ANKRD61: variants seen among roughly 807,000 people sequenced by gnomAD.
ANKRD61 encodes ankyrin repeat domain 61, also known as ankyrin repeat domain-containing protein 61.
In ANKRD61, 7 loss-of-function variants were observed where a neutral mutation model predicts 8.4. That is an observed-to-expected ratio of 0.84 (90% CI 0.48 to 1.57). The LOEUF is 1.57. ANKRD61 is among the 40% of genes most tolerant of loss of function. The pLI is 0.00. For missense variants in ANKRD61, 516 were observed against 523.4 expected, an observed-to-expected ratio of 0.99 and a Z score of 0.14; for synonymous variants, 198 against 208.0, an observed-to-expected ratio of 0.95 and a Z score of 0.41.
rs934676976 is a variant in ANKRD61, at chr7:6,035,473, T to C, written c.344T>C (p.Leu115Ser). The change falls in exon 3 of 3, where the codon TTA becomes TCA. Residue 115 changes from leucine (L) to serine (S), a missense_variant. Coordinates refer to ENST00000409061, the MANE Select transcript of ANKRD61 (RefSeq NM_001271700.2). The surrounding 1 kb of genome is among the most constrained non-coding windows in gnomAD (Gnocchi z 5.5). Reference protein sequence around the residue: ...RDTTGLTTLNLMLLHWPVTST... With the variant: ...RDTTGLTTLNSMLLHWPVTST... ...ACGACAGGCCTCACCACACTCAACT[T>C]AATGCTACTGCACTGGCCAGTCACT... 2 of 1,550,710 alleles carry C rather than the reference T, an allele frequency of 1.3e-6. No individual in the cohort carries two copies. The highest frequency in any genetic ancestry group is 2.7e-5 in the African/African-American group (2 of 73,022).
In ANKRD61 at chr7:6,033,449, T is replaced by C. The variant is rs2128886787; in HGVS notation, c.314+513T>C. ...GCAACATCATAAATATTTTGCCAAA[T>C]TAATGCACATTCTGAGGATTAAGAG... On this transcript the variant is annotated intron_variant, in intron 2 of 2. Transcript: ENST00000409061. The surrounding 1 kb of genome is among the most constrained non-coding windows in gnomAD (Gnocchi z 4.4). Among the ~76,000 whole-genome samples, 1 of 152,312 alleles carries C rather than the reference T, an allele frequency of 6.6e-6. No individual in the cohort carries two copies. Among genetic ancestry groups the C allele is most frequent in the South Asian group, 2.1e-4 (1 of 4,822 alleles).
rs1788045170 is a variant in ANKRD61, at chr7:6,035,301, A to T, written c.315-143A>T. 1.2e-6 allele frequency: 1 copy of T among 839,126 alleles called. No individual in the cohort carries two copies. The highest frequency in any genetic ancestry group is 1.8e-6 in the Non-Finnish European group (1 of 554,732). 52.0% of individuals were successfully genotyped at this position (839,126 alleles called of 1,614,324 possible). A position where few individuals can be genotyped will look rare whatever the true frequency, so the allele number is the denominator to read the frequency against. ...CCTGGGATAGCCTGAGAAACTACCC[A>T]GCGATACAGATTTTGAAACACGTCC... is the stretch of plus-strand genomic sequence containing the variant. On this transcript the variant is annotated intron_variant, in intron 2 of 2. Coordinates refer to ENST00000409061, the MANE Select transcript of ANKRD61 (RefSeq NM_001271700.2). This position sits in a 1 kb window ranked among gnomAD's most constrained non-coding sequence, Gnocchi z 5.5.
At position 6,035,507 on chromosome 7, in the gene ANKRD61, G is replaced by A. The variant is rs538970134; in HGVS notation, c.378G>A (p.Thr126=). 41 of 1,551,068 alleles carry A rather than the reference G, an allele frequency of 2.6e-5. No homozygotes were observed. Among genetic ancestry groups the A allele is most frequent in the African/African-American group, 6.8e-5 (5 of 73,124 alleles). ...MLLHWPVTST[T]WAKPGNRTHR... is the part of the protein sequence containing the mutation. ...TGCACTGGCCAGTCACTTCCACCAC[G>A]TGGGCAAAACCAGGCAACAGAACGC... The change falls in exon 3 of 3, where the codon ACG becomes ACA. Residue 126 remains threonine, a synonymous_variant. Transcript: ENST00000409061. The surrounding 1 kb of genome is among the most constrained non-coding windows in gnomAD (Gnocchi z 5.5).
chr7:6,033,016 T>C lies in ANKRD61; in HGVS notation c.314+80T>C, dbSNP rs1404474390. The C allele has an allele frequency of 8.2e-7, 1 of 1,218,498 alleles. No homozygotes were observed. The allele number at this position is 1,218,498 out of a possible 1,614,324, so 75.5% of individuals were successfully genotyped here. A position where few individuals can be genotyped will look rare whatever the true frequency, so the allele number is the denominator to read the frequency against. ...AGGGGTCTCGCTCTGTTGCCCAGGC[T>C]GGAGTGCAATGGCACAATCTCGCCT... On this transcript the variant is annotated intron_variant, in intron 2 of 2. Transcript: ENST00000409061. This position sits in a 1 kb window ranked among gnomAD's most constrained non-coding sequence, Gnocchi z 4.4.
Position 6,036,261 on chromosome 7 carries a change from G to A in ANKRD61, c.1132G>A (p.Gly378Ser). 9 of 1,549,774 alleles carry A rather than the reference G, an allele frequency of 5.8e-6. No homozygotes were observed. The highest frequency in any genetic ancestry group is 1.4e-5 in the African/African-American group (1 of 73,020). ...ATCGCAAAAACCTTTATCCCTACAGGGTATCTGCAAAAGAAACATCAGGAA... is the reference window on the plus strand; with the variant it reads ...ATCGCAAAAACCTTTATCCCTACAGAGTATCTGCAAAAGAAACATCAGGAA... ...KQSQKPLSLQ[G>S]ICKRNIRNIY... The change falls in exon 3 of 3, where the codon GGT (glycine) becomes AGT (serine). Residue 378 changes from glycine to serine, a missense_variant. Transcript: ENST00000409061. This position sits in a 1 kb window ranked among gnomAD's most constrained non-coding sequence, Gnocchi z 4.6.
rs1028053479 is a variant in ANKRD61, at chr7:6,035,405, T to C, written c.315-39T>C. ...ACTGTCCACGTAGAGCCGTTCCCAC[T>C]GTGAATTCAGTGTAACGTGTAATCA... On this transcript the variant is annotated intron_variant, in intron 2 of 2. Coordinates refer to ENST00000409061, the MANE Select transcript of ANKRD61 (RefSeq NM_001271700.2). This position sits in a 1 kb window ranked among gnomAD's most constrained non-coding sequence, Gnocchi z 5.5. 4 of 1,520,052 alleles carry C rather than the reference T, an allele frequency of 2.6e-6. No individual in the cohort carries two copies. The African/African-American group carries it at 4.1e-5, about 16-fold the overall frequency. The allele number at this position is 1,520,052 out of a possible 1,614,324, so 94.2% of individuals were successfully genotyped here. A position where few individuals can be genotyped will look rare whatever the true frequency, so the allele number is the denominator to read the frequency against.
chr7:6,036,229 T>C lies in ANKRD61; in HGVS notation c.1100T>C (p.Ile367Thr). 6.5e-7 allele frequency: 1 copy of C among 1,550,154 alleles called. No homozygotes were observed. Among genetic ancestry groups the C allele is most frequent in the Admixed American group, 2.0e-5 (1 of 50,860 alleles). The change falls in exon 3 of 3, where the codon ATA becomes ACA. Residue 367 changes from isoleucine (I) to threonine (T), a missense_variant. Ile to Thr is a moderately conservative substitution (Grantham distance 89, BLOSUM62 -1). Coordinates refer to ENST00000409061, the MANE Select transcript of ANKRD61 (RefSeq NM_001271700.2). The surrounding 1 kb of genome is among the most constrained non-coding windows in gnomAD (Gnocchi z 4.6). ...TTCCGCCTCTTAAGGGACACCCTAATAAAGCAATCGCAAAAACCTTTATCC... is the reference window on the plus strand; with the variant it reads ...TTCCGCCTCTTAAGGGACACCCTAACAAAGCAATCGCAAAAACCTTTATCC... Reference protein sequence around the residue: ...PEFRLLRDTLIKQSQKPLSLQ... With the variant: ...PEFRLLRDTLTKQSQKPLSLQ...
chr7:6,031,754 G>T (rs1190053732), intron 1 of ANKRD61, among the ~76,000 whole-genome samples, 163 bp downstream of exon 1: 1 of 152,134 alleles, frequency 6.6e-6, no homozygotes, highest in Non-Finnish European at 1.5e-5. Flanking sequence ...AGCCTGCAAA[G>T]CCTCCCCTAC....
chr7:6,036,393 A>C lies in ANKRD61; in HGVS notation c.*7A>C. ...CTTGGCATATACCTCTTGAAATAAG[A>C]CCTCCCAGTTTCACAGCAGAGGGAC... is the stretch of plus-strand genomic sequence containing the variant. On this transcript the variant is annotated 3_prime_UTR_variant, in exon 3 of 3. Transcript: ENST00000409061. This position sits in a 1 kb window ranked among gnomAD's most constrained non-coding sequence, Gnocchi z 4.6. The C allele has an allele frequency of 1.4e-6, 2 of 1,447,376 alleles. No homozygotes were observed. Among genetic ancestry groups the C allele is most frequent in the Non-Finnish European group, 1.8e-6 (2 of 1,101,126 alleles). The allele number at this position is 1,447,376 out of a possible 1,614,324, so 89.7% of individuals were successfully genotyped here. A position where few individuals can be genotyped will look rare whatever the true frequency, so the allele number is the denominator to read the frequency against.
intron 1 of ANKRD61, among the ~76,000 whole-genome samples, chr7:6,031,946 G>A (rs768753036): frequency 6.6e-6 from 1 of 152,180 alleles, no homozygotes. Context: ...GGCTGAGGTG[G>A]GTGGATCACC....
At chr7:6,031,687 C>A in intron 1 of ANKRD61, 96 bp downstream of exon 1, 6 of 1,218,046 alleles carry the variant, frequency 4.9e-6, no homozygotes, top group Non-Finnish European at 6.9e-6. Context: ...GCTCACGGCC[C>A]TTATGAGAAT....
Position 6,032,404 on chromosome 7 carries a change from G to A in ANKRD61, c.217-435G>A, listed in dbSNP as rs950019541. ...TAATCATAGACAGAACATATGCTGC[G>A]TTATATTTGAAAACCCTGAAGATTC... On this transcript the variant is annotated intron_variant, in intron 1 of 2. Coordinates refer to ENST00000409061, the MANE Select transcript of ANKRD61 (RefSeq NM_001271700.2). The surrounding 1 kb of genome is among the most constrained non-coding windows in gnomAD (Gnocchi z 4.3). Among the ~76,000 whole-genome samples, 1 of 152,110 alleles carries A rather than the reference G, an allele frequency of 6.6e-6. No homozygotes were observed. Among genetic ancestry groups the A allele is most frequent in the Non-Finnish European group, 1.5e-5 (1 of 68,022 alleles).
At position 6,032,955 on chromosome 7, in the gene ANKRD61, A is replaced by C. The variant is rs1787960152; in HGVS notation, c.314+19A>C. 12 of 1,539,672 alleles carry C rather than the reference A, an allele frequency of 7.8e-6. No homozygotes were observed. Among genetic ancestry groups the C allele is most frequent in the Non-Finnish European group, 9.7e-6 (11 of 1,137,848 alleles). On this transcript the variant is annotated intron_variant, in intron 2 of 2. Coordinates refer to ENST00000409061, the MANE Select transcript of ANKRD61 (RefSeq NM_001271700.2). This position sits in a 1 kb window ranked among gnomAD's most constrained non-coding sequence, Gnocchi z 4.3. ...AAGTCAGGTAAGTTAACTCCACCGA[A>C]AATCATTTCTTTTTTTTTCTTTTTT...
chr7:6,032,821 T>TAAAACA lies in ANKRD61; in HGVS notation c.217-18_217-17insAAAACA. 6.5e-7 allele frequency: 1 copy of TAAAACA among 1,545,344 alleles called. No individual in the cohort carries two copies. The highest frequency in any genetic ancestry group is 8.8e-7 in the Non-Finnish European group (1 of 1,142,122). ...CTACACAGGGCCACTTGTAATGTGT[T>TAAAACA]TTGTTTTCCCTCCAAAGCCGACAGA... On this transcript the variant is annotated splice_polypyrimidine_tract_variant and intron_variant, in intron 1 of 2. Transcript: ENST00000409061. This position sits in a 1 kb window ranked among gnomAD's most constrained non-coding sequence, Gnocchi z 4.3.
In ANKRD61 at chr7:6,032,713, T is replaced by C. The variant is rs1238314951; in HGVS notation, c.217-126T>C. ...GTAGAAAGGAAACTTTCAATGCACA[T>C]ACCAGAAAAAGAGTGAGCCAATGAG... On this transcript the variant is annotated intron_variant, in intron 1 of 2. Coordinates refer to ENST00000409061, the MANE Select transcript of ANKRD61 (RefSeq NM_001271700.2). This position sits in a 1 kb window ranked among gnomAD's most constrained non-coding sequence, Gnocchi z 4.3. 1.8e-5 allele frequency: 12 copies of C among 674,076 alleles called. No homozygotes were observed. Among genetic ancestry groups the C allele is most frequent in the Middle Eastern group, 2.6e-4 (1 of 3,880 alleles). 41.8% of individuals were successfully genotyped at this position (674,076 alleles called of 1,614,324 possible).
In ANKRD61 at chr7:6,032,620, G is replaced by A. The variant is rs913558317; in HGVS notation, c.217-219G>A. 6.6e-6 allele frequency among the ~76,000 whole-genome samples: 1 copy of A among 152,142 alleles called. No homozygotes were observed. Among genetic ancestry groups the A allele is most frequent in the African/African-American group, 2.4e-5 (1 of 41,436 alleles). ...TGTTATTTCTGTTGCCTCAGTAAATGTGCATTTCTGTGAAACACAGATTTT... is the reference window on the plus strand; with the variant it reads ...TGTTATTTCTGTTGCCTCAGTAAATATGCATTTCTGTGAAACACAGATTTT... On this transcript the variant is annotated intron_variant, in intron 1 of 2. Coordinates refer to ENST00000409061, the MANE Select transcript of ANKRD61 (RefSeq NM_001271700.2). The surrounding 1 kb of genome is among the most constrained non-coding windows in gnomAD (Gnocchi z 4.3).
At position 6,031,384 on chromosome 7, in the gene ANKRD61, T is replaced by C. The variant is rs1787907070; in HGVS notation, c.9T>C (p.Asn3=). The C allele has an allele frequency of 5.2e-6, 8 of 1,550,606 alleles. No individual in the cohort carries two copies. The East Asian group carries it at 1.5e-4, about 28-fold the overall frequency. MG[N]ITRKGSRDLV... ...AGTCTTAAGTTTTTCTCATGGGGAA[T>C]ATAACCAGGAAAGGAAGCAGAGACC... Residue 3 remains asparagine, a synonymous_variant, in exon 1 of 3, where the codon AAT becomes AAC. Coordinates refer to ENST00000409061, the MANE Select transcript of ANKRD61 (RefSeq NM_001271700.2).
chr7:6,035,739 C>A lies in ANKRD61; in HGVS notation c.610C>A (p.Pro204Thr), dbSNP rs979273480. 1.3e-6 allele frequency: 2 copies of A among 1,551,088 alleles called. No homozygotes were observed. Among genetic ancestry groups the A allele is most frequent in the Admixed American group, 2.0e-5 (1 of 50,998 alleles). Reference protein sequence around the residue: ...VNAINEASMTPLHMAANMLNK... With the variant: ...VNAINEASMTTLHMAANMLNK... ...TGCTATTAATGAAGCCAGCATGACA[C>A]CCCTTCACATGGCCGCAAACATGCT... is the stretch of plus-strand genomic sequence containing the variant. The change falls in exon 3 of 3, where the codon CCC (proline) becomes ACC (threonine). Residue 204 changes from proline to threonine, a missense_variant. Coordinates refer to ENST00000409061, the MANE Select transcript of ANKRD61 (RefSeq NM_001271700.2). This position sits in a 1 kb window ranked among gnomAD's most constrained non-coding sequence, Gnocchi z 5.5.
rs1788058621 is a variant in ANKRD61, at chr7:6,035,713, A to G, written c.584A>G (p.Asn195Ser). The G allele has an allele frequency of 6.4e-7, 1 of 1,550,954 alleles. No homozygotes were observed. Among genetic ancestry groups the G allele is most frequent in the Non-Finnish European group, 8.7e-7 (1 of 1,147,096 alleles). ...TTGACCCAAAATGGTGCCGATGTCA[A>G]TGCTATTAATGAAGCCAGCATGACA... is the stretch of plus-strand genomic sequence containing the variant. ...SILTQNGADV[N>S]AINEASMTPL... Residue 195 changes from asparagine to serine, a missense_variant, in exon 3 of 3, where the codon AAT becomes AGT. By Grantham distance (46) the Asn-to-Ser change is conservative (BLOSUM62 1). Transcript: ENST00000409061. The surrounding 1 kb of genome is among the most constrained non-coding windows in gnomAD (Gnocchi z 5.5).
Sources: gnomAD v4.1 joint callset for allele counts (sites outside exome capture counted in the v4.1 genomes callset) on GRCh38, gnomAD v4.1.1 for gene constraint, Gnocchi (gnomAD v3.1) non-coding constraint, MANE v1.5 for transcripts, NCBI Gene and HGNC (gene_info 2026-07-23, HGNC 2026-07-21) for gene names.